The following SEMA6D variants were observed in gnomAD, a reference collection of about 807,000 sequenced individuals.
SEMA6D encodes semaphorin-6D.
SEMA6D carries 35 observed loss-of-function variants against 106.6 expected under a neutral mutation model. The observed-to-expected ratio is 0.33, with a 90% CI of 0.25 to 0.44. The LOEUF is 0.44. Ranked by LOEUF, SEMA6D falls within the 20% of genes least tolerant of loss-of-function variation. The pLI, the probability that SEMA6D is intolerant of heterozygous loss-of-function variation, is 1.00. For missense variants in SEMA6D, 1,185 were observed against 1,345.9 expected (o/e 0.88, Z 1.87); for synonymous variants, 499 against 487.7 (o/e 1.02, Z -0.31).
intron 1 of SEMA6D, among the ~76,000 whole-genome samples, chr15:47,267,796 C>T (rs2034389958): frequency 6.6e-6 from 1 of 152,132 alleles, no homozygotes; most frequent in South Asian, 2.1e-4. Flanking sequence ...GCACATAGCA[C>T]TTTTCCAGAT....
intron 1 of SEMA6D, among the ~76,000 whole-genome samples, chr15:47,722,755 G>A (rs71467633): frequency 6.6e-6 from 1 of 152,198 alleles, no homozygotes; most frequent in East Asian, 1.9e-4. Flanking sequence ...GATGATGATG[G>A]AGGCGGAGGA....
In SEMA6D at chr15:47,478,469, T is replaced by A. The variant is rs77339621; in HGVS notation, c.-87+7924T>A. On this transcript the variant is annotated intron_variant, in intron 3 of 19. Transcript: ENST00000558014. ...AGTTCTTGTCTGCGTGGTTCATCTT[T>A]AAGTCCCACAAATATTATAGAGAAA... 5.4e-4 allele frequency among the ~76,000 whole-genome samples: 82 copies of A among 152,338 alleles called. No homozygotes were observed. In the East Asian group the frequency reaches 0.013, roughly 25 times the overall value.
intron 4 of SEMA6D, among the ~76,000 whole-genome samples, chr15:47,648,139 A>G (rs1234021780): frequency 6.6e-6 from 1 of 152,196 alleles, no homozygotes; most frequent in Admixed American, 6.5e-5. Flanking sequence ...TTGATGATAC[A>G]AAATATATAC....
intron 3 of SEMA6D, among the ~76,000 whole-genome samples, chr15:47,544,321 G>C (rs1298792475): frequency 2.6e-5 from 4 of 151,992 alleles, no homozygotes; most frequent in Non-Finnish European, 5.9e-5. Flanking sequence ...GGGAACCTTT[G>C]GGTTAACACT....
At chr15:47,542,696 T>G (rs891372301) in intron 3 of SEMA6D, among the ~76,000 whole-genome samples, 13 of 152,302 alleles carry the variant, frequency 8.5e-5, no homozygotes, top group African/African-American at 2.9e-4. Flanking sequence ...AATAACTTGT[T>G]TCCGCTAGTT....
At chr15:47,408,600 G>A (rs8026226) in intron 1 of SEMA6D, among the ~76,000 whole-genome samples, 43,059 of 151,976 alleles carry the variant, frequency 0.28, 6,717 homozygotes, top group East Asian at 0.49. Context: ...AAGGTATGTC[G>A]AGATAAAATT....
intron 1 of SEMA6D, among the ~76,000 whole-genome samples, chr15:47,389,485 C>T (rs184438013): frequency 6.6e-5 from 10 of 151,564 alleles, no homozygotes; most frequent in Middle Eastern, 6.9e-3. Flanking sequence ...TCTAGGAATC[C>T]ACTCACTCAC....
chr15:47,392,311 A>G (rs4497626), intron 1 of SEMA6D, among the ~76,000 whole-genome samples: 74,482 of 152,056 alleles, frequency 0.49, 21,220 homozygotes, highest in African/African-American at 0.8. Context: ...CTGGAACTAT[A>G]AATCTGTTAC....
chr15:47,647,702 C>A, intron 4 of SEMA6D, among the ~76,000 whole-genome samples: 1 of 147,696 alleles, frequency 6.8e-6, no homozygotes, highest in Non-Finnish European at 1.5e-5. Context: ...AACAGGCATG[C>A]CCAATTCAAT....
intron 1 of SEMA6D, among the ~76,000 whole-genome samples, chr15:47,320,404 C>T (rs1229432279): frequency 6.6e-6 from 1 of 151,518 alleles, no homozygotes; most frequent in Non-Finnish European, 1.5e-5. Flanking sequence ...TGCCTATTGT[C>T]CCTGTTCCTT....
chr15:47,457,152 C>T (rs185937430), intron 2 of SEMA6D, among the ~76,000 whole-genome samples: 1 of 152,110 alleles, frequency 6.6e-6, no homozygotes, highest in Admixed American at 6.6e-5. Context: ...CTAAAGACTG[C>T]TCTGGTCTTC....
intron 3 of SEMA6D, among the ~76,000 whole-genome samples, chr15:47,481,762 G>C (rs748433567): frequency 6.6e-6 from 1 of 152,120 alleles, no homozygotes; most frequent in African/African-American, 2.4e-5. Flanking sequence ...TCTACTGCTG[G>C]GGAGGAGCAT....
intron 4 of SEMA6D, among the ~76,000 whole-genome samples, chr15:47,661,890 C>G (rs1405903657): frequency 3.3e-5 from 5 of 152,168 alleles, no homozygotes; most frequent in African/African-American, 1.2e-4. Flanking sequence ...GAGAATCAGC[C>G]TAGATATCTT....
intron 3 of SEMA6D, among the ~76,000 whole-genome samples, chr15:47,589,279 C>T (rs911993045): frequency 6.6e-6 from 1 of 152,218 alleles, no homozygotes; most frequent in Non-Finnish European, 1.5e-5. Context: ...CATGTTTCTT[C>T]CCCTATGAGG....
At chr15:47,383,978 G>A (rs2039730997) in intron 1 of SEMA6D, among the ~76,000 whole-genome samples, 1 of 152,186 alleles carries the variant, frequency 6.6e-6, no homozygotes, top group Admixed American at 6.5e-5. Context: ...CACATAGAGT[G>A]TTTTTCCACG....
chr15:47,771,450 G>T lies in SEMA6D; in HGVS notation c.2887G>T (p.Gly963Cys). ...VPMTSLERQR[G>C]YHKNSSQRHS... ...AATGACTTCTCTGGAAAGACAAAGAGGTTATCACAAAAATTCCTCCCAGAG... is the reference window on the plus strand; with the variant it reads ...AATGACTTCTCTGGAAAGACAAAGATGTTATCACAAAAATTCCTCCCAGAG... The change falls in exon 19 of 19, where the codon GGT becomes TGT. Residue 963 changes from glycine to cysteine, a missense_variant. This residue lies in a region of SEMA6D where 750 missense variants were observed against 783.5 expected (regional missense o/e 0.96). Transcript: ENST00000536845. 6.2e-7 allele frequency: 1 copy of T among 1,614,064 alleles called. No individual in the cohort carries two copies. The highest frequency in any genetic ancestry group is 1.1e-5 in the South Asian group (1 of 91,066).
intron 3 of SEMA6D, among the ~76,000 whole-genome samples, chr15:47,472,288 A>G (rs928457519): frequency 6.6e-5 from 10 of 152,192 alleles, no homozygotes; most frequent in Non-Finnish European, 1.5e-4. Context: ...GATGGATGGC[A>G]TTTTTAAAAC....
chr15:47,584,822 C>A (rs1596367093), intron 3 of SEMA6D, among the ~76,000 whole-genome samples: 1 of 152,100 alleles, frequency 6.6e-6, no homozygotes, highest in Non-Finnish European at 1.5e-5. Flanking sequence ...TGTATTCATT[C>A]AACAAATAAG....
intron 1 of SEMA6D, among the ~76,000 whole-genome samples, chr15:47,200,893 C>A (rs1277241172): frequency 2.0e-5 from 3 of 152,176 alleles, no homozygotes; most frequent in Non-Finnish European, 4.4e-5. Context: ...GAAAAAGTTA[C>A]CAAAACAATA....
Sources: allele counts gnomAD v4.1 joint callset (sites outside exome capture counted in the v4.1 genomes callset), GRCh38; gene constraint gnomAD v4.1.1; regional missense constraint gnomAD v4.1.1; transcripts MANE v1.5; gene names NCBI Gene and HGNC (gene_info 2026-07-23, HGNC 2026-07-21).